Variants in HEPH observed in about 807,000 individuals in gnomAD.
The protein encoded by HEPH is hephaestin.
HEPH carries 69 observed loss-of-function variants against 80.8 expected under a neutral mutation model. The observed-to-expected ratio is 0.85, with a 90% confidence interval of 0.70 to 1.04. The LOEUF is 1.04. Ranked by LOEUF, HEPH falls within the 50% of genes least tolerant of loss-of-function variation. The pLI is 0.00. For missense variants in HEPH, 1,115 were observed against 891.3 expected (o/e 1.25, Z -3.20); for synonymous variants, 431 against 322.8 (o/e 1.34, Z -3.60).
chrX:66,188,776 A>T (rs1348404924), intron 5 of HEPH, among the ~76,000 whole-genome samples: 1 of 112,582 alleles, frequency 8.9e-6, no homozygotes, highest in Non-Finnish European at 1.9e-5. Flanking sequence ...GACTGCATAG[A>T]TTGTGCTCTT....
At chrX:66,226,859 A>G (rs1337251082) in intron 15 of HEPH, among the ~76,000 whole-genome samples, 1 of 111,908 alleles carries the variant, frequency 8.9e-6, no homozygotes, top group African/African-American at 3.2e-5. Flanking sequence ...AGACATGCAA[A>G]GAAGATTTGG....
Position 66,258,845 on chromosome X carries a change from A to C in HEPH, c.2902A>C (p.Asn968His). The change falls in exon 18 of 21, where the codon AAT becomes CAT. Residue 968 changes from asparagine (N) to histidine (H), a missense_variant. Asn to His is a moderately conservative substitution (Grantham distance 68). Coordinates refer to ENST00000343002, the MANE Select transcript of HEPH (RefSeq NM_001367233.3). The part of the protein sequence containing the change: ...FLESNKMHAI[N>H]GKLYANLRGL... ...CTTTTCTTTTTTTTTGACAGCAATC[A>C]ATGGGAAACTCTATGCCAACCTTAG... The C allele has an allele frequency of 8.7e-7, 1 of 1,145,436 alleles. No homozygotes were observed. Among genetic ancestry groups the C allele is most frequent in the East Asian group, 3.2e-5 (1 of 31,328 alleles). 94.4% of individuals were successfully genotyped at this position (1,145,436 alleles called of 1,213,427 possible). A position where few individuals can be genotyped will look rare whatever the true frequency, so the allele number is the denominator to read the frequency against.
chrX:66,224,570 C>CT (rs756100390), intron 15 of HEPH, among the ~76,000 whole-genome samples: 82 of 111,960 alleles, frequency 7.3e-4, no homozygotes, highest in South Asian at 5.6e-3. Context: ...TATTTTTTTA[C>CT]TTTTTTCTGT....
intron 15 of HEPH, among the ~76,000 whole-genome samples, chrX:66,211,865 T>G (rs760055634): frequency 7.2e-4 from 81 of 111,844 alleles, no homozygotes; most frequent in Non-Finnish European, 1.1e-3. Flanking sequence ...AGTAGTGACA[T>G]TGCTGGATTG....
At chrX:66,261,168 G>A (rs922994155) in intron 19 of HEPH, among the ~76,000 whole-genome samples, 8 of 111,892 alleles carry the variant, frequency 7.1e-5, no homozygotes, top group Non-Finnish European at 1.5e-4. Context: ...CAAATCGCTG[G>A]GATTACAGGA....
At chrX:66,232,593 G>A (rs940786694) in intron 15 of HEPH, among the ~76,000 whole-genome samples, 16 of 110,637 alleles carry the variant, frequency 1.4e-4, no homozygotes, top group Non-Finnish European at 2.6e-4. Flanking sequence ...GTGCAATGGG[G>A]GCATATGAAA....
At chrX:66,232,820 A>G (rs775162607) in intron 15 of HEPH, among the ~76,000 whole-genome samples, 78 of 111,054 alleles carry the variant, frequency 7.0e-4, no homozygotes, top group African/African-American at 2.4e-3. Context: ...CTGATGCCAG[A>G]TTTACTTTTT....
In HEPH at chrX:66,250,229, T is replaced by C. The variant is rs1177626641; in HGVS notation, c.2564-4806T>C. On this transcript the variant is annotated intron_variant, in intron 15 of 20. Coordinates refer to ENST00000343002, the MANE Select transcript of HEPH (RefSeq NM_001367233.3). ...ACTCTTTCCAACACTCAACATGTAG[T>C]ATTTGTTCAATACAGCTTTGTTGAT... 3.6e-5 allele frequency among the ~76,000 whole-genome samples: 4 copies of C among 111,776 alleles called. No homozygotes were observed. In the East Asian group the frequency reaches 1.1e-3, roughly 32 times the overall value.
In HEPH at chrX:66,203,534, C is replaced by A; in HGVS notation, c.2248C>A (p.Arg750=). ...EEVEWDYCPD[R]SWEREWHNQS... is the part of the protein sequence containing the mutation. ...AGTAGAGTGGGACTATTGCCCTGACCGGAGCTGGGAACGGGAATGGCACAA... is the reference window on the plus strand; with the variant it reads ...AGTAGAGTGGGACTATTGCCCTGACAGGAGCTGGGAACGGGAATGGCACAA... Residue 750 remains arginine (R), a synonymous_variant, in exon 13 of 21, where the codon CGG becomes AGG. Transcript: ENST00000343002. 1 of 1,211,523 alleles carries A rather than the reference C, an allele frequency of 8.3e-7. No homozygotes were observed. Among genetic ancestry groups the A allele is most frequent in the South Asian group, 1.8e-5 (1 of 56,907 alleles).
At position 66,200,682 on chromosome X, in the gene HEPH, C is replaced by T; in HGVS notation, c.2007C>T (p.Gly669=). 1 of 1,211,423 alleles carries T rather than the reference C, an allele frequency of 8.3e-7. No individual in the cohort carries two copies. ...AGGGCAACACTGTGCAGCTTCAGGG[C>T]ATGAGGAAGGGTGCAGCTATGCTCT... is the stretch of plus-strand genomic sequence containing the variant. ...MFQGNTVQLQ[G]MRKGAAMLFP... Residue 669 remains glycine, a synonymous_variant, in exon 12 of 21, where the codon GGC becomes GGT. Coordinates refer to ENST00000343002, the MANE Select transcript of HEPH (RefSeq NM_001367233.3).
rs1202888499 is a variant in HEPH, at chrX:66,200,677, C to A, written c.2002C>A (p.Gln668Lys). Residue 668 changes from glutamine (Q) to lysine (K), a missense_variant, in exon 12 of 21, where the codon CAG (glutamine) becomes AAG (lysine). Gln to Lys is a moderately conservative substitution (Grantham distance 53, BLOSUM62 1). Around this residue, in one of 3 missense-constraint regions of HEPH, gnomAD observed 716 missense variants for 523.5 expected, o/e 1.37. Coordinates refer to ENST00000343002, the MANE Select transcript of HEPH (RefSeq NM_001367233.3). ...VMFQGNTVQL[Q>K]GMRKGAAMLF... ...GTTCCAGGGCAACACTGTGCAGCTT[C>A]AGGGCATGAGGAAGGGTGCAGCTAT... 3 of 1,209,746 alleles carry A rather than the reference C, an allele frequency of 2.5e-6. No individual in the cohort carries two copies. Among genetic ancestry groups the A allele is most frequent in the Non-Finnish European group, 3.4e-6 (3 of 895,139 alleles).
At chrX:66,164,575 G>A in intron 1 of HEPH, 105 bp downstream of exon 1, 15 of 552,812 alleles carry the variant, frequency 2.7e-5, no homozygotes, top group Non-Finnish European at 3.1e-5. Context: ...AGGAGAAAAA[G>A]TCAGTGGCCA....
At chrX:66,191,686 C>T (rs1212221265) in intron 6 of HEPH, among the ~76,000 whole-genome samples, 5 of 111,809 alleles carry the variant, frequency 4.5e-5, no homozygotes, top group Non-Finnish European at 5.6e-5. Flanking sequence ...ATAATTAACC[C>T]CTATTTTAAA....
chrX:66,188,183 G>T (rs770735218), intron 4 of HEPH, among the ~76,000 whole-genome samples, 176 bp from the exon 5 acceptor site: 1 of 111,939 alleles, frequency 8.9e-6, no homozygotes, highest in South Asian at 3.8e-4. Flanking sequence ...TGAATTGGTG[G>T]TTTTAAATGG....
chrX:66,220,186 G>A (rs193178748), intron 15 of HEPH, among the ~76,000 whole-genome samples: 215 of 111,505 alleles, frequency 1.9e-3, no homozygotes, highest in Middle Eastern at 0.014. Context: ...TCCCATTACA[G>A]TTCCTCTACA....
At chrX:66,217,844 A>G (rs1030173652) in intron 15 of HEPH, among the ~76,000 whole-genome samples, 7 of 112,032 alleles carry the variant, frequency 6.2e-5, no homozygotes, top group Non-Finnish European at 1.1e-4. Flanking sequence ...GGGGAAAAAG[A>G]TATTCCATGC....
At position 66,200,500 on chromosome X, in the gene HEPH, G is replaced by A. The variant is rs193005941; in HGVS notation, c.1865-40G>A. 206 of 1,086,520 alleles carry A rather than the reference G, an allele frequency of 1.9e-4. No homozygotes were observed. The Middle Eastern group carries it at 4.7e-3, about 25-fold the overall frequency. The allele number at this position is 1,086,520 out of a possible 1,213,427, so 89.5% of individuals were successfully genotyped here. On this transcript the variant is annotated intron_variant, in intron 11 of 20. Transcript: ENST00000343002. ...TCCTGGCCAGTGCTGGAGTAGTCTG[G>A]TCTCATCTCCCCACCTTGTCTTGTG...
At chrX:66,268,522 G>C (rs139633314), downstream of HEPH, 129 of 111,918 alleles carry the variant, frequency 1.2e-3, no homozygotes, top group African/African-American at 4.1e-3. Context: ...CAGCAGAACT[G>C]TTTTGGCCTG....
At chrX:66,187,324 G>T (rs1401114251) in intron 4 of HEPH, among the ~76,000 whole-genome samples, 2 of 110,813 alleles carry the variant, frequency 1.8e-5, no homozygotes, top group Non-Finnish European at 3.8e-5. Flanking sequence ...GGGTGTTAAA[G>T]AACCTTGTTT....
Sources: gnomAD v4.1 joint callset for allele counts (sites outside exome capture counted in the v4.1 genomes callset) on GRCh38, gnomAD v4.1.1 for gene constraint, gnomAD v4.1.1 regional missense constraint, MANE v1.5 for transcripts, NCBI Gene and HGNC (gene_info 2026-07-23, HGNC 2026-07-21) for gene names.